The following CDH6 variants were observed in gnomAD, a reference collection of about 807,000 sequenced individuals.
CDH6 encodes cadherin 6, also known as cadherin-6.
Under a neutral mutation model 78.0 loss-of-function variants are expected in CDH6, and 31 were observed. That is an observed-to-expected ratio of 0.40 (90% confidence interval 0.30 to 0.54). The LOEUF is 0.54. CDH6 is among the 20% of genes least tolerant of loss of function. The pLI is 0.56. For missense variants in CDH6, 724 were observed against 975.9 expected, an observed-to-expected ratio of 0.74 and a Z score of 3.44; for synonymous variants, 376 against 368.8, an observed-to-expected ratio of 1.02 and a Z score of -0.23.
At chr5:31,194,361 G>A (rs1360638781) in intron 1 of CDH6, among the ~76,000 whole-genome samples, 2 of 152,210 alleles carry the variant, frequency 1.3e-5, no homozygotes, top group Non-Finnish European at 2.9e-5. Context: ...GGGTCTGCGT[G>A]GTGACTGCTT....
chr5:31,246,651 GCAATAA>G (rs1741754590), intron 1 of CDH6, among the ~76,000 whole-genome samples: 1 of 152,196 alleles, frequency 6.6e-6, no homozygotes, highest in South Asian at 2.1e-4. Flanking sequence ...CATGATTTTG[GCAATAA>G]AACAATTTAG....
intron 1 of CDH6, among the ~76,000 whole-genome samples, chr5:31,224,699 A>G (rs1311180860): frequency 3.9e-5 from 6 of 152,070 alleles, no homozygotes; most frequent in Non-Finnish European, 7.4e-5. Context: ...GACTACAGGC[A>G]CGTGCCACCA....
intron 1 of CDH6, among the ~76,000 whole-genome samples, chr5:31,254,510 G>A (rs1050873150): frequency 6.6e-6 from 1 of 152,168 alleles, no homozygotes; most frequent in Non-Finnish European, 1.5e-5. Flanking sequence ...AGTTAAGATG[G>A]AAAAGGCATT....
intron 1 of CDH6, among the ~76,000 whole-genome samples, chr5:31,241,461 A>T (rs1291164835): frequency 6.6e-6 from 1 of 152,240 alleles, no homozygotes; most frequent in African/African-American, 2.4e-5. Flanking sequence ...CATTGACCCA[A>T]GGGGTTAGCT....
At chr5:31,217,871 T>G (rs1740911021) in intron 1 of CDH6, among the ~76,000 whole-genome samples, 1 of 152,176 alleles carries the variant, frequency 6.6e-6, no homozygotes, top group African/African-American at 2.4e-5. Context: ...TATATTTAGC[T>G]TAAATACAGT....
Position 31,329,067 on chromosome 5 carries a change from G to A in CDH6, c.*5759G>A, listed in dbSNP as rs1194652762. 4.9e-6 allele frequency: 1 copy of A among 205,942 alleles called. No homozygotes were observed. 12.8% of individuals were successfully genotyped at this position (205,942 alleles called of 1,614,324 possible). The stretch of plus-strand genomic sequence containing the variant: ...AATTTAAAAAGTGATTTCTCACAAA[G>A]AGTAAATATGCCTTTTGCAAATCAA... On this transcript the variant is annotated 3_prime_UTR_variant, in exon 12 of 12. Transcript: ENST00000265071.
rs1738620455 is a variant in CDH6 at position 31,326,187 on chromosome 5, T to C, written c.*2879T>C. 1 of 226,804 alleles carries C rather than the reference T, an allele frequency of 4.4e-6. No homozygotes were observed. The highest frequency in any genetic ancestry group is 2.2e-5 in the African/African-American group (1 of 45,052). 14.0% of individuals were successfully genotyped at this position (226,804 alleles called of 1,614,324 possible). A position where few individuals can be genotyped will look rare whatever the true frequency, so the allele number is the denominator to read the frequency against. On this transcript the variant is annotated 3_prime_UTR_variant, in exon 12 of 12. Transcript: ENST00000265071. Reference sequence around the variant, plus strand: ...AAATTTTAATATTTGTTTCAATCACTTTGAAACTAAAATTCATTAAGCATA... The same window carrying C: ...AAATTTTAATATTTGTTTCAATCACCTTGAAACTAAAATTCATTAAGCATA...
At chr5:31,267,255 A>C in intron 1 of CDH6, 91 bp from the exon 2 acceptor site, 1 of 502,960 alleles carries the variant, frequency 2.0e-6, no homozygotes. Context: ...TTGCTATTCA[A>C]ATTTCTGTCC....
At chr5:31,316,603 G>T (rs750909535) in intron 9 of CDH6, among the ~76,000 whole-genome samples, 1 of 152,026 alleles carries the variant, frequency 6.6e-6, no homozygotes. Flanking sequence ...AATCTTTATT[G>T]GTGAACAGAT....
chr5:31,208,453 A>T (rs1241038563), intron 1 of CDH6, among the ~76,000 whole-genome samples: 1 of 152,202 alleles, frequency 6.6e-6, no homozygotes, highest in Non-Finnish European at 1.5e-5. Flanking sequence ...ACCAACAGGT[A>T]CCTTTGGCCA....
At chr5:31,252,310 G>T (rs1412600904) in intron 1 of CDH6, among the ~76,000 whole-genome samples, 3 of 122,062 alleles carry the variant, frequency 2.5e-5, no homozygotes, top group Non-Finnish European at 5.4e-5. Context: ...ATACTTTTAA[G>T]GTGTATTATG....
chr5:31,302,850 A>G (rs1223404332), intron 6 of CDH6, among the ~76,000 whole-genome samples: 7 of 145,604 alleles, frequency 4.8e-5, no homozygotes, highest in Admixed American at 1.4e-4. Context: ...GAAAGAAAGA[A>G]AGAGAAAGAA....
At chr5:31,230,744 A>ATGT (rs1213311183) in intron 1 of CDH6, among the ~76,000 whole-genome samples, 7 of 152,230 alleles carry the variant, frequency 4.6e-5, no homozygotes, top group African/African-American at 1.7e-4. Context: ...CATTGAGTTT[A>ATGT]ATCAAACTCA....
At chr5:31,303,325 C>G (rs1737886716) in intron 6 of CDH6, among the ~76,000 whole-genome samples, 1 of 152,090 alleles carries the variant, frequency 6.6e-6, no homozygotes, top group African/African-American at 2.4e-5. Flanking sequence ...GTGATGCATA[C>G]TGTGAAGGAA....
Position 31,326,680 on chromosome 5 carries a change from A to ATTTTTTTTTTT in CDH6, c.*3372_*3373insTTTTTTTTTTT, listed in dbSNP as rs750696655. ...CAAAGAGTTGTGCAGAAAATCTTAAAATTTTTTTTTTTTTTTTTTTTTTTT... is the reference window on the plus strand; with the variant it reads ...CAAAGAGTTGTGCAGAAAATCTTAAATTTTTTTTTTTATTTTTTTTTTTTTTTTTTTTTTTT... On this transcript the variant is annotated 3_prime_UTR_variant, in exon 12 of 12. Transcript: ENST00000265071. 1.5e-5 allele frequency: 2 copies of ATTTTTTTTTTT among 130,318 alleles called. No individual in the cohort carries two copies. Among genetic ancestry groups the ATTTTTTTTTTT allele is most frequent in the African/African-American group, 2.9e-5 (1 of 34,296 alleles). 8.1% of individuals were successfully genotyped at this position (130,318 alleles called of 1,614,324 possible). A position where few individuals can be genotyped will look rare whatever the true frequency, so the allele number is the denominator to read the frequency against.
In CDH6 at chr5:31,326,712, GAC is replaced by G. The variant is rs1211900452; in HGVS notation, c.*3406_*3407del. 1 of 89,448 alleles carries G rather than the reference GAC, an allele frequency of 1.1e-5. No individual in the cohort carries two copies. The allele number at this position is 89,448 out of a possible 1,614,324, so 5.5% of individuals were successfully genotyped here. On this transcript the variant is annotated 3_prime_UTR_variant, in exon 12 of 12. Transcript: ENST00000265071. ...TTTTTTTTTTTTTTTTTTTTTTTGA[GAC>G]AGAATCTCGCTCTGTCGCCCAGGCT... is the stretch of plus-strand genomic sequence containing the variant.
chr5:31,269,335 G>A (rs1274630128), intron 2 of CDH6, among the ~76,000 whole-genome samples: 3 of 151,196 alleles, frequency 2.0e-5, no homozygotes, highest in South Asian at 2.1e-4. Flanking sequence ...CTAAAACCTC[G>A]TAAGAATCAG....
rs567641339 is a variant in CDH6, at chr5:31,252,327, T to G, written c.-128-15019T>G. Among the ~76,000 whole-genome samples, 710 of 89,574 alleles carry G rather than the reference T, an allele frequency of 7.9e-3. 5 individuals carry two copies. The highest frequency in any genetic ancestry group is 0.011 in the Non-Finnish European group (510 of 44,396). 58.8% of individuals were successfully genotyped at this position (89,574 alleles called of 152,430 possible). The stretch of plus-strand genomic sequence containing the variant: ...ACTTTTAAGGTGTATTATGTGTGTG[T>G]GGTGTGTGTGTGTGTGTGTGTGTGT... On this transcript the variant is annotated intron_variant, in intron 1 of 11. Transcript: ENST00000265071.
chr5:31,265,042 GGTGCTCA>G (rs1742304959), intron 1 of CDH6, among the ~76,000 whole-genome samples: 1 of 152,124 alleles, frequency 6.6e-6, no homozygotes, highest in Admixed American at 6.6e-5. Flanking sequence ...AGCACCATGG[GGTGCTCA>G]CAGAGTGCAG....
Sources: gnomAD v4.1 joint callset for allele counts (sites outside exome capture counted in the v4.1 genomes callset) on GRCh38, gnomAD v4.1.1 for gene constraint, MANE v1.5 for transcripts, NCBI Gene and HGNC (gene_info 2026-07-23, HGNC 2026-07-21) for gene names.